The following ZFAND3 variants were observed in gnomAD, a reference collection of about 807,000 sequenced individuals.
The protein encoded by ZFAND3 is AN1-type zinc finger protein 3.
In ZFAND3, 10 loss-of-function variants were observed where a neutral mutation model predicts 29.6. That is an observed-to-expected ratio of 0.34 (90% CI 0.21 to 0.57). ZFAND3 has a LOEUF of 0.57. Ranked by LOEUF, ZFAND3 falls within the 20% of genes least tolerant of loss-of-function variation. The pLI is 0.86. For missense variants in ZFAND3, 230 were observed against 304.5 expected (o/e 0.76, Z 1.82); for synonymous variants, 128 against 112.6 (o/e 1.14, Z -0.87).
intron 1 of ZFAND3, among the ~76,000 whole-genome samples, chr6:37,894,280 T>C (rs1033580842): frequency 6.6e-6 from 1 of 152,138 alleles, no homozygotes; most frequent in African/African-American, 2.4e-5. Context: ...TTTAAGGAGA[T>C]ACGAATAATT....
rs371027069 is a variant in ZFAND3, at chr6:37,986,447, G to A, written c.112+56448G>A. Among the ~76,000 whole-genome samples the A allele has an allele frequency of 1.1e-3, 162 of 152,328 alleles. 6 individuals carry two copies. The South Asian group carries it at 0.033, about 31-fold the overall frequency. Reference sequence around the variant, plus strand: ...TTATAGGCACCAGAAATTATGTTCAGTAAGCCACTACCAGTACCTGCTGTG... The same window carrying A: ...TTATAGGCACCAGAAATTATGTTCAATAAGCCACTACCAGTACCTGCTGTG... On this transcript the variant is annotated intron_variant, in intron 2 of 5. Transcript: ENST00000287218.
At chr6:37,851,862 T>G (rs1472988362) in intron 1 of ZFAND3, among the ~76,000 whole-genome samples, 1 of 152,246 alleles carries the variant, frequency 6.6e-6, no homozygotes, top group African/African-American at 2.4e-5. Flanking sequence ...ATTGCCTGTT[T>G]GAGCTCCCTC....
At chr6:37,848,838 A>G (rs1323865920) in intron 1 of ZFAND3, among the ~76,000 whole-genome samples, 2 of 152,152 alleles carry the variant, frequency 1.3e-5, no homozygotes, top group Admixed American at 1.3e-4. Context: ...GTAGTCTGGT[A>G]TTATAATGAT....
intron 2 of ZFAND3, among the ~76,000 whole-genome samples, chr6:38,047,924 C>A (rs1763935945): frequency 6.6e-6 from 1 of 151,094 alleles, no homozygotes; most frequent in African/African-American, 2.4e-5. Flanking sequence ...ATAATAAGAA[C>A]CGTAGGTTAA....
intron 2 of ZFAND3, among the ~76,000 whole-genome samples, chr6:38,031,487 T>G (rs1763557844): frequency 6.6e-6 from 1 of 152,190 alleles, no homozygotes; most frequent in African/African-American, 2.4e-5. Flanking sequence ...AGTCCTGTCC[T>G]CAATTCATTA....
rs1013881314 is a variant in ZFAND3 at position 37,834,649 on chromosome 6, G to C, written c.71+14633G>C. ...AGAGTTCCTGTTGCTCCATATCCTT[G>C]TCAGCATTTGGTGGTGTTGAATGCT... On this transcript the variant is annotated intron_variant, in intron 1 of 5. Transcript: ENST00000287218. Among the ~76,000 whole-genome samples the C allele has an allele frequency of 5.9e-5, 9 of 151,988 alleles. 1 individual carries two copies. The South Asian group carries it at 1.2e-3, about 21-fold the overall frequency.
At chr6:38,053,055 G>GA (rs139231271) in intron 2 of ZFAND3, among the ~76,000 whole-genome samples, 28 of 146,318 alleles carry the variant, frequency 1.9e-4, no homozygotes, top group African/African-American at 2.3e-4. Context: ...AAAAGAAAAA[G>GA]AAAAAAAAAA....
In ZFAND3 at chr6:37,972,931, A is replaced by G. The variant is rs141076248; in HGVS notation, c.112+42932A>G. On this transcript the variant is annotated intron_variant, in intron 2 of 5. Transcript: ENST00000287218. The stretch of plus-strand genomic sequence containing the variant: ...AAAGTAGACCTGAATTATTCATGCA[A>G]TTTGCCAACATTTATATCCATTAAT... Among the ~76,000 whole-genome samples, 439 of 152,258 alleles carry G rather than the reference A, an allele frequency of 2.9e-3. 1 individual carries two copies. Among genetic ancestry groups the G allele is most frequent in the Non-Finnish European group, 5.0e-3 (338 of 68,010 alleles).
At chr6:38,129,837 T>C (rs921276652) in intron 5 of ZFAND3, among the ~76,000 whole-genome samples, 1 of 152,034 alleles carries the variant, frequency 6.6e-6, no homozygotes, top group African/African-American at 2.4e-5. Context: ...TTAGGATTGT[T>C]TTTTCTAGTT....
chr6:38,090,838 AC>A (rs1427488565), intron 4 of ZFAND3, among the ~76,000 whole-genome samples: 1 of 152,240 alleles, frequency 6.6e-6, no homozygotes, highest in Non-Finnish European at 1.5e-5. Context: ...GTTTAAAGGC[AC>A]CTCACACAAT....
intron 1 of ZFAND3, among the ~76,000 whole-genome samples, chr6:37,919,274 A>AT (rs553042019): frequency 3.0e-4 from 46 of 152,178 alleles, no homozygotes; most frequent in Middle Eastern, 6.8e-3. Context: ...ATGTTCACCC[A>AT]TTTTGTCCTG....
At chr6:37,834,537 TATG>T (rs1158215634) in intron 1 of ZFAND3, among the ~76,000 whole-genome samples, 1 of 152,190 alleles carries the variant, frequency 6.6e-6, no homozygotes, top group Non-Finnish European at 1.5e-5. Flanking sequence ...TGCTGGATCA[TATG>T]ATAAGAGTAT....
intron 1 of ZFAND3, among the ~76,000 whole-genome samples, chr6:37,832,163 A>G (rs1242769773): frequency 2.0e-5 from 3 of 152,256 alleles, no homozygotes; most frequent in African/African-American, 7.2e-5. Flanking sequence ...ACCCTAGATA[A>G]AGTAACCCTG....
intron 1 of ZFAND3, among the ~76,000 whole-genome samples, chr6:37,896,828 A>G (rs1007227787): frequency 1.3e-5 from 2 of 151,926 alleles, no homozygotes. Context: ...AACTCTTTGT[A>G]GAAATTGCCA....
intron 4 of ZFAND3, among the ~76,000 whole-genome samples, chr6:38,086,307 G>C (rs576693365): frequency 6.6e-6 from 1 of 152,224 alleles, no homozygotes; most frequent in South Asian, 2.1e-4. Context: ...TATTTAAACA[G>C]AGAGAAATTA....
intron 2 of ZFAND3, among the ~76,000 whole-genome samples, chr6:38,036,014 GA>G (rs1763650873): frequency 6.6e-6 from 1 of 152,170 alleles, no homozygotes; most frequent in South Asian, 2.1e-4. Flanking sequence ...CCATGTTATG[GA>G]AAGTCTCCTC....
intron 2 of ZFAND3, among the ~76,000 whole-genome samples, chr6:37,984,957 T>C (rs1762641277): frequency 6.6e-6 from 1 of 152,216 alleles, no homozygotes; most frequent in Non-Finnish European, 1.5e-5. Flanking sequence ...TCTCAAAAAG[T>C]TGAATGTGAA....
chr6:38,090,627 A>G (rs1422108579), intron 4 of ZFAND3, among the ~76,000 whole-genome samples: 1 of 152,188 alleles, frequency 6.6e-6, no homozygotes, highest in Admixed American at 6.5e-5. Context: ...GTTTGCTGAC[A>G]GTGTGTGGGT....
At chr6:37,876,422 G>A (rs944587219) in intron 1 of ZFAND3, among the ~76,000 whole-genome samples, 2 of 152,108 alleles carry the variant, frequency 1.3e-5, no homozygotes, top group African/African-American at 4.8e-5. Context: ...TCAGCATTAC[G>A]GCAAAGCAGG....
Sources: gnomAD v4.1 joint callset for allele counts (sites outside exome capture counted in the v4.1 genomes callset) on GRCh38, gnomAD v4.1.1 for gene constraint, MANE v1.5 for transcripts, NCBI Gene and HGNC (gene_info 2026-07-23, HGNC 2026-07-21) for gene names.